The following LRP6 variants were observed in gnomAD, a reference collection of about 807,000 sequenced individuals.
LRP6 encodes the protein low-density lipoprotein receptor-related protein 6.
A neutral mutation model predicts 184.1 loss-of-function variants in LRP6; 43 were observed. That is an observed-to-expected ratio of 0.23 (90% CI 0.18 to 0.30). LRP6 has a LOEUF of 0.30. Ranked by LOEUF, LRP6 falls within the 10% of genes least tolerant of loss-of-function variation. The pLI is 1.00. For missense variants in LRP6, 1,571 were observed against 2,005.3 expected, an observed-to-expected ratio of 0.78 and a Z score of 4.14; for synonymous variants, 719 against 684.9, an observed-to-expected ratio of 1.05 and a Z score of -0.78.
intron 7 of LRP6, among the ~76,000 whole-genome samples, chr12:12,173,591 C>G (rs1029842491): frequency 6.6e-6 from 1 of 152,154 alleles, no homozygotes; most frequent in Non-Finnish European, 1.5e-5. Context: ...GATCTTCCCA[C>G]TTCAGCCTCC....
chr12:12,135,045 T>G, intron 17 of LRP6, 130 bp downstream of exon 17: 2 of 1,296,434 alleles, frequency 1.5e-6, no homozygotes, highest in Non-Finnish European at 2.2e-6. Context: ...ACAATACAAA[T>G]GAATGGAACA....
intron 2 of LRP6, among the ~76,000 whole-genome samples, chr12:12,233,370 A>G (rs978912333): frequency 1.3e-5 from 2 of 152,200 alleles, no homozygotes; most frequent in African/African-American, 4.8e-5. Context: ...CAAGAGGCTG[A>G]GACAGGAGAA....
intron 1 of LRP6, among the ~76,000 whole-genome samples, chr12:12,255,514 A>G (rs1865439210): frequency 6.6e-6 from 1 of 150,742 alleles, no homozygotes; most frequent in African/African-American, 2.4e-5. Context: ...CCTTTCAAAT[A>G]AAGTCTCTCC....
Position 12,121,241 on chromosome 12 carries a change from T to C in LRP6, c.4727A>G (p.Gln1576Arg). Residue 1576 changes from glutamine (Q) to arginine (R), a missense_variant, in exon 23 of 23, where the codon CAA becomes CGA. Around this residue, in one of 4 missense-constraint regions of LRP6, gnomAD observed 763 missense variants for 859.5 expected, o/e 0.89. Transcript: ENST00000261349. The stretch of plus-strand genomic sequence containing the variant: ...ATAGTTCTCCTCTGCTGACAAGTAT[T>C]GGCTTCGGGGTGTGGGAGGTGGGGG... The part of the protein sequence containing the change: ...PVPPPPTPRS[Q>R]YLSAEENYES... The C allele has an allele frequency of 6.2e-7, 1 of 1,614,098 alleles. No homozygotes were observed. Among genetic ancestry groups the C allele is most frequent in the Non-Finnish European group, 8.5e-7 (1 of 1,180,028 alleles).
rs1172944608 is a variant in LRP6 at position 12,187,009 on chromosome 12, T to C, written c.758A>G (p.Tyr253Cys). The change falls in exon 4 of 23, where the codon TAT becomes TGT. Residue 253 changes from tyrosine (Y) to cysteine (C), a missense_variant. Tyr to Cys is a radical substitution (Grantham distance 194). Transcript: ENST00000261349. ...STHSILACNKYTGEGLREIHS... is the reference protein window; with the variant it reads ...STHSILACNKCTGEGLREIHS... ...GATTTCACGCAGACCCTCACCAGTA[T>C]ACTTGTTGCAAGCCAAAATGGAGTG... 2.5e-6 allele frequency: 4 copies of C among 1,614,142 alleles called. No homozygotes were observed. Among genetic ancestry groups the C allele is most frequent in the Non-Finnish European group, 8.5e-7 (1 of 1,179,996 alleles).
In LRP6 at chr12:12,179,866, A is replaced by G; in HGVS notation, c.1489T>C (p.Leu497=). ...TATATTTTGCCTTCATCATAATCCA[A>G]GGCTAAACCATTTGGCCAACCAAGA... ...TSLGWPNGLA[L]DYDEGKIYWG... is the part of the protein sequence containing the mutation. Residue 497 remains leucine (L), a synonymous_variant, in exon 7 of 23, where the codon TTG becomes CTG. Coordinates refer to ENST00000261349, the MANE Select transcript of LRP6 (RefSeq NM_002336.3). The G allele has an allele frequency of 1.2e-6, 2 of 1,613,974 alleles. No homozygotes were observed. Among genetic ancestry groups the G allele is most frequent in the Admixed American group, 1.7e-5 (1 of 60,014 alleles).
intron 2 of LRP6, among the ~76,000 whole-genome samples, chr12:12,222,403 T>G (rs961372934): frequency 1.3e-5 from 2 of 151,574 alleles, no homozygotes; most frequent in Non-Finnish European, 2.9e-5. Context: ...TCATCTCTAC[T>G]AAAAATACAA....
rs114468425 is a variant in LRP6 at position 12,139,267 on chromosome 12, A to C, written c.3398-733T>G. Reference sequence around the variant, plus strand: ...CTGATATTTTGGAAGTATCAAGGAAAGTTTCAGGAAAGAGGCAAGCAAAAT... The same window carrying C: ...CTGATATTTTGGAAGTATCAAGGAACGTTTCAGGAAAGAGGCAAGCAAAAT... On this transcript the variant is annotated intron_variant, in intron 15 of 22. Coordinates refer to ENST00000261349, the MANE Select transcript of LRP6 (RefSeq NM_002336.3). Among the ~76,000 whole-genome samples, 915 of 152,358 alleles carry C rather than the reference A, an allele frequency of 6.0e-3. 11 individuals carry two copies. The highest frequency in any genetic ancestry group is 0.021 in the African/African-American group (878 of 41,588).
At chr12:12,252,041 G>A (rs1400499489) in intron 1 of LRP6, among the ~76,000 whole-genome samples, 3 of 152,118 alleles carry the variant, frequency 2.0e-5, no homozygotes, top group Non-Finnish European at 4.4e-5. Context: ...CTATAGGCAT[G>A]AAATCTTTCG....
At chr12:12,176,722 G>A (rs139798480) in intron 7 of LRP6, among the ~76,000 whole-genome samples, 4 of 151,976 alleles carry the variant, frequency 2.6e-5, no homozygotes, top group Admixed American at 2.0e-4. Flanking sequence ...ACTTTCCCAT[G>A]TGATCCACTC....
At chr12:12,126,443 T>C (rs1012986171) in intron 20 of LRP6, among the ~76,000 whole-genome samples, 1 of 152,236 alleles carries the variant, frequency 6.6e-6, no homozygotes, top group African/African-American at 2.4e-5. Flanking sequence ...AGAATTGCAG[T>C]CAGAGAGGCT....
chr12:12,126,043 G>A (rs572322400), intron 20 of LRP6, among the ~76,000 whole-genome samples: 2 of 152,262 alleles, frequency 1.3e-5, no homozygotes, highest in East Asian at 1.9e-4. Context: ...CCTATTTTCA[G>A]AGGGTTTTTG....
At chr12:12,257,226 T>C (rs1043929511) in intron 1 of LRP6, among the ~76,000 whole-genome samples, 3 of 152,212 alleles carry the variant, frequency 2.0e-5, no homozygotes, top group South Asian at 4.1e-4. Flanking sequence ...GAACTAGACA[T>C]TGTAAAATGG....
intron 20 of LRP6, among the ~76,000 whole-genome samples, chr12:12,125,793 T>A (rs867631284): frequency 3.3e-5 from 5 of 152,186 alleles, no homozygotes; most frequent in Middle Eastern, 3.4e-3. Context: ...CCAGACTTGC[T>A]CAAAAGAAAA....
In LRP6 at chr12:12,162,295, G is replaced by A. The variant is rs759665468; in HGVS notation, c.2177C>T (p.Thr726Met). Residue 726 changes from threonine to methionine, a missense_variant, in exon 10 of 23, where the codon ACG (threonine) becomes ATG (methionine). Physicochemically the swap from Thr to Met is moderately conservative, Grantham distance 81. This residue lies in a region of LRP6 where 158 missense variants were observed against 258.4 expected (regional missense o/e 0.61). Transcript: ENST00000261349. ...GKNLYWADTGTNRIEVSKLDG... is the reference protein window; with the variant it reads ...GKNLYWADTGMNRIEVSKLDG... ...CAACTTTGACACCTCAATTCGATTC[G>A]TTCCTGTGTCTGCCCAGTACAAGTT... The A allele has an allele frequency of 6.2e-6, 10 of 1,613,982 alleles. No homozygotes were observed. The highest frequency in any genetic ancestry group is 1.3e-5 in the African/African-American group (1 of 74,898).
At chr12:12,234,901 G>A (rs113300635) in intron 2 of LRP6, among the ~76,000 whole-genome samples, 34 of 151,768 alleles carry the variant, frequency 2.2e-4, no homozygotes, top group South Asian at 1.0e-3. Context: ...ATATACACAC[G>A]TATCAACTCA....
chr12:12,245,996 CTT>C (rs71061029), intron 1 of LRP6, among the ~76,000 whole-genome samples: 984 of 90,174 alleles, frequency 0.011, 3 homozygotes, highest in Non-Finnish European at 0.016. Context: ...TTTATATAAA[CTT>C]TTTTTTTTTT....
At chr12:12,241,402 A>T (rs1225672115) in intron 2 of LRP6, among the ~76,000 whole-genome samples, 4 of 152,202 alleles carry the variant, frequency 2.6e-5, no homozygotes, top group African/African-American at 4.8e-5. Flanking sequence ...CAAATCTAAG[A>T]TCATTAACAC....
At chr12:12,189,505 T>C (rs1294218273) in intron 3 of LRP6, among the ~76,000 whole-genome samples, 1 of 152,158 alleles carries the variant, frequency 6.6e-6, no homozygotes, top group East Asian at 1.9e-4. Flanking sequence ...TATACTAATA[T>C]TAATTTTTTT....
Sources: allele counts gnomAD v4.1 joint callset (sites outside exome capture counted in the v4.1 genomes callset), GRCh38; gene constraint gnomAD v4.1.1; regional missense constraint gnomAD v4.1.1; transcripts MANE v1.5; gene names NCBI Gene and HGNC (gene_info 2026-07-23, HGNC 2026-07-21).